The following ALPK2 variants were observed in gnomAD, a reference collection of about 807,000 sequenced individuals.
ALPK2 encodes alpha-protein kinase 2.
In ALPK2, 127 loss-of-function variants were observed where a neutral mutation model predicts 163.1. The ratio of observed to expected loss-of-function variants is 0.78; its 90% CI spans 0.67 to 0.90. ALPK2 has a LOEUF of 0.90. Among genes scored for constraint, ALPK2 ranks in the 40% least tolerant of loss-of-function variants. ALPK2 has a pLI of 0.00. For missense variants in ALPK2, 2,360 were observed against 2,589.6 expected (o/e 0.91, Z 1.92); for synonymous variants, 953 against 959.1 (o/e 0.99, Z 0.12).
At position 58,535,985 on chromosome 18, in the gene ALPK2, G is replaced by A. The variant is rs148858773; in HGVS notation, c.4202C>T (p.Ser1401Phe). 1.2e-6 allele frequency: 2 copies of A among 1,614,072 alleles called. No homozygotes were observed. The highest frequency in any genetic ancestry group is 1.7e-6 in the Non-Finnish European group (2 of 1,180,022). Residue 1401 changes from serine (S) to phenylalanine (F), a missense_variant, in exon 5 of 13, where the codon TCC becomes TTC. By Grantham distance (155) the Ser-to-Phe change is radical. Coordinates refer to ENST00000361673, the MANE Select transcript of ALPK2 (RefSeq NM_052947.4). The part of the protein sequence containing the change: ...KFLTCPKILE[S>F]SVDPIDEISV... ...TATCTCATCAATGGGATCTACAGAG[G>A]ACTCTAGGATTTTAGGGCAGGTCAG...
chr18:58,590,185 A>T (rs2052007663), intron 3 of ALPK2, among the ~76,000 whole-genome samples: 1 of 146,248 alleles, frequency 6.8e-6, no homozygotes, highest in Admixed American at 7.1e-5. Context: ...GCACCACTGC[A>T]CTCCAACCTG....
chr18:58,562,395 A>T (rs8090585), intron 4 of ALPK2, among the ~76,000 whole-genome samples: 43,147 of 152,150 alleles, frequency 0.28, 6,255 homozygotes, highest in East Asian at 0.4. Flanking sequence ...AATTTGTGAC[A>T]TACTGCTTAT....
Position 58,545,930 on chromosome 18 carries a change from G to A in ALPK2, c.1963-7706C>T, listed in dbSNP as rs118163890. Among the ~76,000 whole-genome samples, 146 of 152,260 alleles carry A rather than the reference G, an allele frequency of 9.6e-4. 4 individuals are homozygous for A. In the East Asian group the frequency reaches 0.027, roughly 28 times the overall value. ...GCTGAGCTGTCACAACAGGCAGAGC[G>A]TCATTCGGCCATTTGTCATTCGATA... On this transcript the variant is annotated intron_variant, in intron 4 of 12. Transcript: ENST00000361673.
chr18:58,627,103 CCTTTCT>C (rs2052234743), intron 1 of ALPK2, among the ~76,000 whole-genome samples: 3 of 152,166 alleles, frequency 2.0e-5, no homozygotes, highest in Non-Finnish European at 4.4e-5. Flanking sequence ...GACTCCAAAG[CCTTTCT>C]CAGGACCTCC....
At chr18:58,482,633 G>A (rs7230515) in intron 12 of ALPK2, among the ~76,000 whole-genome samples, 1 of 151,634 alleles carries the variant, frequency 6.6e-6, no homozygotes, top group Admixed American at 6.6e-5. Context: ...TTGTCCCCAG[G>A]AGAAGAAGAA....
chr18:58,519,862 C>T (rs756144584), intron 8 of ALPK2, among the ~76,000 whole-genome samples: 22 of 152,248 alleles, frequency 1.4e-4, no homozygotes, highest in Middle Eastern at 3.4e-3. Flanking sequence ...GAAATGAGCG[C>T]GTCCTCTTGG....
chr18:58,554,371 G>A lies in ALPK2; in HGVS notation c.1963-16147C>T, dbSNP rs541136848. The stretch of plus-strand genomic sequence containing the variant: ...TCTCTGACTGCAGGGGTTTGGAGAA[G>A]AAAACTAGGCACCATGGTTGCTGGT... On this transcript the variant is annotated intron_variant, in intron 4 of 12. Coordinates refer to ENST00000361673, the MANE Select transcript of ALPK2 (RefSeq NM_052947.4). 2.3e-4 allele frequency among the ~76,000 whole-genome samples: 35 copies of A among 152,320 alleles called. 1 individual carries two copies. The highest frequency in any genetic ancestry group is 8.2e-4 in the African/African-American group (34 of 41,574).
intron 1 of ALPK2, among the ~76,000 whole-genome samples, chr18:58,617,870 T>C (rs2052178377): frequency 6.6e-6 from 1 of 152,334 alleles, no homozygotes; most frequent in Non-Finnish European, 1.5e-5. Flanking sequence ...TATTCCATAG[T>C]ATAGCAATAT....
intron 4 of ALPK2, among the ~76,000 whole-genome samples, chr18:58,567,906 C>T (rs1488384427): frequency 6.6e-6 from 1 of 152,158 alleles, no homozygotes; most frequent in Non-Finnish European, 1.5e-5. Context: ...ACTTTAACAG[C>T]AGCTTTGCTG....
chr18:58,538,390 C>A, intron 4 of ALPK2, 166 bp from the exon 5 acceptor site: 1 of 678,790 alleles, frequency 1.5e-6, no homozygotes, highest in South Asian at 2.8e-5. Flanking sequence ...TAGAGATTTC[C>A]TAGAAAACTG....
At chr18:58,550,838 T>C (rs1381645718) in intron 4 of ALPK2, among the ~76,000 whole-genome samples, 1 of 144,546 alleles carries the variant, frequency 6.9e-6, no homozygotes, top group African/African-American at 2.6e-5. Context: ...TACAACTCCA[T>C]CCTCATCTCC....
chr18:58,520,624 C>T (rs1450726647), intron 8 of ALPK2, among the ~76,000 whole-genome samples: 1 of 151,976 alleles, frequency 6.6e-6, no homozygotes, highest in Non-Finnish European at 1.5e-5. Flanking sequence ...AAGACTGCTC[C>T]GAGGTGCAGA....
chr18:58,535,395 G>T lies in ALPK2; in HGVS notation c.4792C>A (p.Pro1598Thr), dbSNP rs992350913. 2 of 1,614,180 alleles carry T rather than the reference G, an allele frequency of 1.2e-6. No homozygotes were observed. The highest frequency in any genetic ancestry group is 2.2e-5 in the South Asian group (2 of 91,084). Residue 1598 changes from proline to threonine, a missense_variant, in exon 5 of 13, where the codon CCT becomes ACT. By Grantham distance (38) the Pro-to-Thr change is conservative. Transcript: ENST00000361673. The part of the protein sequence containing the change: ...RGTIENERGK[P>T]LPSSPDLTRF... ...GTAAGATCAGGAGAAGAGGGCAAAG[G>T]TTTCCCACGCTCATTCTCAATAGTT...
intron 6 of ALPK2, chr18:58,528,845 A>T (rs547383053): frequency 4.2e-6 from 2 of 480,786 alleles, no homozygotes; most frequent in Non-Finnish European, 7.4e-6. Flanking sequence ...ATGTAGTGAA[A>T]GGTTGTGTGA....
At chr18:58,573,005 A>C (rs2051893825) in intron 4 of ALPK2, among the ~76,000 whole-genome samples, 1 of 152,170 alleles carries the variant, frequency 6.6e-6, no homozygotes, top group Non-Finnish European at 1.5e-5. Context: ...TATTTCTTAC[A>C]ACTGCATGTG....
intron 4 of ALPK2, among the ~76,000 whole-genome samples, chr18:58,575,202 G>A (rs1349610426): frequency 8.8e-5 from 12 of 135,600 alleles, no homozygotes; most frequent in African/African-American, 2.5e-4. Flanking sequence ...GTGAAACCTC[G>A]TTTCAAAAAA....
At chr18:58,560,005 A>G (rs1488182838) in intron 4 of ALPK2, among the ~76,000 whole-genome samples, 1 of 152,168 alleles carries the variant, frequency 6.6e-6, no homozygotes, top group East Asian at 1.9e-4. Context: ...GGCTACAATT[A>G]AGGTGTCAGG....
chr18:58,566,508 C>T (rs1381966341), intron 4 of ALPK2: 1 of 152,178 alleles, frequency 6.6e-6, no homozygotes, highest in Non-Finnish European at 1.5e-5. Context: ...CCAACAAAGA[C>T]CAACAGAGGC....
chr18:58,606,199 C>G (rs1465824715), intron 3 of ALPK2, among the ~76,000 whole-genome samples: 1 of 152,180 alleles, frequency 6.6e-6, no homozygotes, highest in Non-Finnish European at 1.5e-5. Context: ...CCACCCTGGC[C>G]TCTCAAGCAA....
Sources: gnomAD v4.1 joint callset for allele counts (sites outside exome capture counted in the v4.1 genomes callset) on GRCh38, gnomAD v4.1.1 for gene constraint, MANE v1.5 for transcripts, NCBI Gene and HGNC (gene_info 2026-07-23, HGNC 2026-07-21) for gene names.